MTHFD1L: variants seen among roughly 807,000 people sequenced by gnomAD.
MTHFD1L encodes the protein monofunctional C1-tetrahydrofolate synthase, mitochondrial.
In MTHFD1L, 81 loss-of-function variants were observed where a neutral mutation model predicts 119.5. That is an observed-to-expected ratio of 0.68 (90% confidence interval 0.57 to 0.82). The LOEUF is 0.82. Among genes scored for constraint, MTHFD1L ranks in the 40% least tolerant of loss-of-function variants. MTHFD1L has a pLI of 0.00. For synonymous variants in MTHFD1L, 430 were observed against 475.2 expected (o/e 0.90, Z 1.24); for missense variants, 1,125 against 1,253.4 (o/e 0.90, Z 1.55).
At chr6:151,082,195 A>G (rs1793259275) in intron 26 of MTHFD1L, among the ~76,000 whole-genome samples, 1 of 152,152 alleles carries the variant, frequency 6.6e-6, no homozygotes, top group Non-Finnish European at 1.5e-5. Flanking sequence ...ATGTCGCAAA[A>G]ACTCTAGGTG....
At chr6:150,959,010 AT>A (rs1183676240) in intron 17 of MTHFD1L, 2 of 167,282 alleles carry the variant, frequency 1.2e-5, no homozygotes, top group Non-Finnish European at 2.4e-5. Context: ...AAATCTCCAT[AT>A]TTTTTAGTCA....
At chr6:151,053,132 G>A (rs1018534931) in intron 26 of MTHFD1L, among the ~76,000 whole-genome samples, 1 of 152,212 alleles carries the variant, frequency 6.6e-6, no homozygotes, top group Admixed American at 6.5e-5. Context: ...GAGATACCAT[G>A]CAGTATTTGT....
intron 26 of MTHFD1L, among the ~76,000 whole-genome samples, chr6:151,048,276 CT>C (rs1562594311): frequency 6.6e-6 from 1 of 152,110 alleles, no homozygotes; most frequent in African/African-American, 2.4e-5. Context: ...TCAAGCACAC[CT>C]CTTCACTTGT....
intron 7 of MTHFD1L, among the ~76,000 whole-genome samples, chr6:150,888,737 C>T (rs781614206): frequency 1.3e-5 from 2 of 152,104 alleles, no homozygotes; most frequent in African/African-American, 4.8e-5. Context: ...GGGAGACATT[C>T]CCAGCCACAC....
chr6:151,054,026 G>T (rs1196996135), intron 26 of MTHFD1L, among the ~76,000 whole-genome samples: 1 of 152,078 alleles, frequency 6.6e-6, no homozygotes. Context: ...TATGATGTTT[G>T]TCATAAAAGA....
intron 26 of MTHFD1L, among the ~76,000 whole-genome samples, chr6:151,048,754 C>A (rs185446595): frequency 6.6e-6 from 1 of 152,322 alleles, no homozygotes; most frequent in East Asian, 1.9e-4. Flanking sequence ...TATTCATGTG[C>A]TTAGATATGG....
chr6:151,080,139 T>C (rs140440475), intron 26 of MTHFD1L, among the ~76,000 whole-genome samples: 4,935 of 151,956 alleles, frequency 0.032, 169 homozygotes, highest in Admixed American at 0.11. Context: ...GATTGCGCCA[T>C]TGCACTCCAG....
At chr6:150,887,317 T>C (rs1782484930) in intron 6 of MTHFD1L, among the ~76,000 whole-genome samples, 1 of 152,184 alleles carries the variant, frequency 6.6e-6, no homozygotes, top group African/African-American at 2.4e-5. Context: ...TGGTGAGTTA[T>C]AGTTACATAT....
At chr6:150,950,226 G>GCTTC (rs1403662741) in intron 16 of MTHFD1L, among the ~76,000 whole-genome samples, 3 of 152,090 alleles carry the variant, frequency 2.0e-5, no homozygotes, top group Admixed American at 2.0e-4. Flanking sequence ...ACCCGCAGTG[G>GCTTC]CTTCCCTCAC....
At chr6:150,886,254 T>C (rs1393522191) in intron 6 of MTHFD1L, among the ~76,000 whole-genome samples, 2 of 152,074 alleles carry the variant, frequency 1.3e-5, no homozygotes, top group African/African-American at 2.4e-5. Flanking sequence ...GCAAACATAC[T>C]GAGACCTTGT....
intron 20 of MTHFD1L, among the ~76,000 whole-genome samples, chr6:151,006,569 G>A (rs1031443742): frequency 6.6e-6 from 1 of 152,104 alleles, no homozygotes; most frequent in African/African-American, 2.4e-5. Flanking sequence ...GGAGGAGCTA[G>A]GTTTTTGAAG....
chr6:151,076,494 A>G (rs1248293567), intron 26 of MTHFD1L, among the ~76,000 whole-genome samples: 1 of 152,094 alleles, frequency 6.6e-6, no homozygotes, highest in East Asian at 1.9e-4. Context: ...TACTAAAAAT[A>G]CAAAAAATTA....
intron 1 of MTHFD1L, among the ~76,000 whole-genome samples, chr6:150,871,143 TAA>T (rs567609973): frequency 5.5e-5 from 8 of 145,354 alleles, no homozygotes; most frequent in South Asian, 2.1e-4. Context: ...TATATATATA[TAA>T]GGTAATATAT....
intron 20 of MTHFD1L, among the ~76,000 whole-genome samples, chr6:150,980,806 C>G (rs1455941440): frequency 2.0e-5 from 3 of 151,810 alleles, no homozygotes. Flanking sequence ...CCCTCCTGAT[C>G]CCGTTCTTTT....
chr6:150,935,769 T>A (rs546660365), intron 11 of MTHFD1L, among the ~76,000 whole-genome samples: 2 of 152,316 alleles, frequency 1.3e-5, no homozygotes, highest in South Asian at 4.1e-4. Context: ...TTCTTCTCCC[T>A]ACCCCACACA....
chr6:151,003,383 T>C (rs1201313421), intron 20 of MTHFD1L, among the ~76,000 whole-genome samples: 1 of 151,990 alleles, frequency 6.6e-6, no homozygotes, highest in Non-Finnish European at 1.5e-5. Flanking sequence ...AATACAAAAA[T>C]TAGCCGAGCG....
intron 26 of MTHFD1L, among the ~76,000 whole-genome samples, chr6:151,078,052 CAAAA>C (rs71014538): frequency 1.2e-3 from 74 of 59,934 alleles, no homozygotes; most frequent in African/African-American, 3.6e-3. Context: ...GACTCTGTCT[CAAAA>C]AAAAAAAAAA....
chr6:150,994,097 G>GAAA (rs61147935), intron 20 of MTHFD1L, among the ~76,000 whole-genome samples: 1 of 129,156 alleles, frequency 7.7e-6, no homozygotes, highest in Admixed American at 7.3e-5. Context: ...AAGAAAGAAA[G>GAAA]TGACCCAGCA....
At chr6:150,971,002 A>T (rs1389516960) in intron 19 of MTHFD1L, among the ~76,000 whole-genome samples, 3 of 152,202 alleles carry the variant, frequency 2.0e-5, no homozygotes, top group South Asian at 2.1e-4. Flanking sequence ...TCTCAACATT[A>T]TCTGATTCTG....
Sources: gnomAD v4.1 joint callset for allele counts (sites outside exome capture counted in the v4.1 genomes callset) on GRCh38, gnomAD v4.1.1 for gene constraint, MANE v1.5 for transcripts, NCBI Gene and HGNC (gene_info 2026-07-23, HGNC 2026-07-21) for gene names.